The following LPA variants were observed in gnomAD, a reference collection of about 807,000 sequenced individuals.
LPA encodes lipoprotein(a).
LPA carries 199 observed loss-of-function variants against 197.9 expected under a neutral mutation model. The observed-to-expected ratio is 1.01, with a 90% CI of 0.90 to 1.13. LPA has a LOEUF of 1.13. Ranked by LOEUF, LPA falls within the 50% of genes most tolerant of loss-of-function variation. The pLI is 0.00. For missense variants in LPA, 1,853 were observed against 1,785.8 expected, an observed-to-expected ratio of 1.04 and a Z score of -0.68; for synonymous variants, 715 against 639.5, an observed-to-expected ratio of 1.12 and a Z score of -1.78.
intron 30 of LPA, among the ~76,000 whole-genome samples, chr6:160,554,156 A>G (rs908195075): frequency 4.0e-5 from 6 of 151,634 alleles, no homozygotes; most frequent in African/African-American, 1.2e-4. Flanking sequence ...TATATTCTGC[A>G]TTTGTTTCCC....
intron 24 of LPA, among the ~76,000 whole-genome samples, chr6:160,588,247 G>C (rs1562333381): frequency 1.3e-5 from 2 of 151,240 alleles, no homozygotes; most frequent in South Asian, 4.2e-4. Context: ...TGCCTCTAAG[G>C]GGGGTTGAGT....
intron 27 of LPA, 25 bp from the exon 28 acceptor site, chr6:160,577,320 T>C: frequency 1.2e-6 from 2 of 1,608,970 alleles, no homozygotes; most frequent in Admixed American, 3.3e-5. Flanking sequence ...AAATAAATCA[T>C]ACTCAGTAAT....
At chr6:160,577,420 G>C in intron 27 of LPA, 125 bp from the exon 28 acceptor site, 1 of 827,946 alleles carries the variant, frequency 1.2e-6, no homozygotes, top group South Asian at 1.6e-5. Context: ...TCTACTAGTA[G>C]CAAAAGGATG....
At chr6:160,661,461 T>A (rs114573027) in intron 1 of LPA, among the ~76,000 whole-genome samples, 1,651 of 152,240 alleles carry the variant, frequency 0.011, 23 homozygotes, top group African/African-American at 0.037. Context: ...GAAAGGCAGA[T>A]GAACAGATTC....
In LPA at chr6:160,585,175, T is replaced by C; in HGVS notation, c.4160A>G (p.Asp1387Gly). The change falls in exon 26 of 39, where the codon GAC (aspartate) becomes GGC (glycine). Residue 1387 changes from aspartate to glycine, a missense_variant. Around this residue, in one of 3 missense-constraint regions of LPA, gnomAD observed 1,737 missense variants for 1,504.4 expected, o/e 1.15. Coordinates refer to ENST00000316300, the MANE Select transcript of LPA (RefSeq NM_005577.4). ...ACTCTGTCCATCACCTCGGTAGCAG[T>C]CCTGGACCCCAGTGCTGTTTTCAGT... is the stretch of plus-strand genomic sequence containing the variant. ...APTENSTGVQ[D>G]CYRGDGQSYR... 2 of 1,613,632 alleles carry C rather than the reference T, an allele frequency of 1.2e-6. No individual in the cohort carries two copies. The highest frequency in any genetic ancestry group is 1.1e-5 in the South Asian group (1 of 91,076).
At chr6:160,610,106 A>T (rs980314083) in intron 16 of LPA, among the ~76,000 whole-genome samples, 3 of 151,990 alleles carry the variant, frequency 2.0e-5, no homozygotes, top group Admixed American at 6.6e-5. Context: ...TATCGATGTC[A>T]TTTCTGAGCC....
intron 16 of LPA, among the ~76,000 whole-genome samples, chr6:160,608,265 A>C (rs1392809618): frequency 2.0e-5 from 3 of 152,150 alleles, no homozygotes; most frequent in Non-Finnish European, 2.9e-5. Flanking sequence ...TGCTGATTCC[A>C]AATTCTTACA....
intron 16 of LPA, among the ~76,000 whole-genome samples, chr6:160,607,152 T>A (rs1562342405): frequency 6.6e-6 from 1 of 152,132 alleles, no homozygotes; most frequent in Admixed American, 6.5e-5. Flanking sequence ...GAGGATAACC[T>A]TTCCAGGTCA....
chr6:160,604,124 C>T (rs1779298112), intron 18 of LPA, among the ~76,000 whole-genome samples: 1 of 152,196 alleles, frequency 6.6e-6, no homozygotes, highest in Admixed American at 6.5e-5. Context: ...GCCCCTGGAG[C>T]TCCTTTCATC....
In LPA at chr6:160,540,160, T is replaced by C. The variant is rs1421422786; in HGVS notation, c.5618A>G (p.Lys1873Arg). The change falls in exon 36 of 39, where the codon AAG (lysine) becomes AGG (arginine). Residue 1873 changes from lysine (K) to arginine (R), a missense_variant. Coordinates refer to ENST00000316300, the MANE Select transcript of LPA (RefSeq NM_005577.4). ...TTCTTGGTGTGCACCCAGGATGACC[T>C]TGTAGGATGAAGGCCTTGAGGACCT... ...LKKSSRPSSYKVILGAHQEVN... is the reference protein window; with the variant it reads ...LKKSSRPSSYRVILGAHQEVN... 6.2e-7 allele frequency: 1 copy of C among 1,614,092 alleles called. No individual in the cohort carries two copies. Among genetic ancestry groups the C allele is most frequent in the South Asian group, 1.1e-5 (1 of 91,068 alleles).
intron 28 of LPA, among the ~76,000 whole-genome samples, chr6:160,563,965 C>T (rs1275441780): frequency 6.6e-6 from 1 of 151,964 alleles, no homozygotes; most frequent in Non-Finnish European, 1.5e-5. Context: ...GTCTTTTCAC[C>T]CTGAGATGGG....
intron 37 of LPA, among the ~76,000 whole-genome samples, chr6:160,536,284 T>G (rs1376051952): frequency 6.6e-6 from 1 of 152,216 alleles, no homozygotes; most frequent in East Asian, 1.9e-4. Flanking sequence ...CTGAAAACTT[T>G]GCAGCTCACT....
chr6:160,561,339 C>A (rs1016205363), intron 28 of LPA, among the ~76,000 whole-genome samples: 26 of 152,168 alleles, frequency 1.7e-4, no homozygotes, highest in African/African-American at 6.0e-4. Flanking sequence ...TTCCCCATTG[C>A]TTATTTTTGT....
At chr6:160,663,519 C>T (rs1780259608) in intron 1 of LPA, among the ~76,000 whole-genome samples, 1 of 152,222 alleles carries the variant, frequency 6.6e-6, no homozygotes, top group African/African-American at 2.4e-5. Flanking sequence ...TTCACAATCA[C>T]ACACGGTGTG....
In LPA at chr6:160,607,919, C is replaced by T. The variant is rs527376280; in HGVS notation, c.2604-1261G>A. The stretch of plus-strand genomic sequence containing the variant: ...CTAGGATTTGCAATATCTCCTTGAA[C>T]CCACACAGTAACATTTTATTAATAT... On this transcript the variant is annotated intron_variant, in intron 16 of 38. Transcript: ENST00000316300. 5.9e-5 allele frequency among the ~76,000 whole-genome samples: 9 copies of T among 152,216 alleles called. No individual in the cohort carries two copies. The East Asian group carries it at 1.5e-3, about 26-fold the overall frequency.
At chr6:160,608,912 G>C (rs1310092573) in intron 16 of LPA, among the ~76,000 whole-genome samples, 1 of 151,744 alleles carries the variant, frequency 6.6e-6, no homozygotes, top group African/African-American at 2.4e-5. Context: ...AGTTGGTTCT[G>C]TAGAATTGAT....
At chr6:160,662,328 T>C (rs1035281834) in intron 1 of LPA, among the ~76,000 whole-genome samples, 1 of 152,246 alleles carries the variant, frequency 6.6e-6, no homozygotes, top group South Asian at 2.1e-4. Flanking sequence ...TGTGTGAATG[T>C]GTATGCATAT....
At chr6:160,596,400 T>G (rs1562337311) in intron 20 of LPA, among the ~76,000 whole-genome samples, 2 of 152,136 alleles carry the variant, frequency 1.3e-5, no homozygotes, top group Non-Finnish European at 2.9e-5. Flanking sequence ...TTGCTTTTTT[T>G]TTTTTTCTTG....
chr6:160,535,956 T>C (rs1413236326), intron 37 of LPA, among the ~76,000 whole-genome samples: 5 of 152,200 alleles, frequency 3.3e-5, no homozygotes, highest in Non-Finnish European at 7.3e-5. Context: ...CTACCTCCCA[T>C]AATCCTCTTG....
Sources: allele counts gnomAD v4.1 joint callset (sites outside exome capture counted in the v4.1 genomes callset), GRCh38; gene constraint gnomAD v4.1.1; regional missense constraint gnomAD v4.1.1; transcripts MANE v1.5; gene names NCBI Gene and HGNC (gene_info 2026-07-23, HGNC 2026-07-21).